The following LRRC20 variants were observed in gnomAD, a reference collection of about 807,000 sequenced individuals.
LRRC20 encodes the protein leucine rich repeat containing 20.
Under a neutral mutation model 14.4 loss-of-function variants are expected in LRRC20, and 11 were observed. The observed-to-expected ratio is 0.77, with a 90% confidence interval of 0.48 to 1.27. The LOEUF is 1.27. Among genes scored for constraint, LRRC20 ranks in the 50% most tolerant of loss-of-function variants. The pLI is 0.00. For missense variants in LRRC20, 219 were observed against 251.2 expected, an observed-to-expected ratio of 0.87 and a Z score of 0.87; for synonymous variants, 121 against 107.3, an observed-to-expected ratio of 1.13 and a Z score of -0.79.
intron 2 of LRRC20, among the ~76,000 whole-genome samples, chr10:70,360,384 C>T (rs942568299): frequency 3.3e-5 from 5 of 151,434 alleles, no homozygotes; most frequent in Non-Finnish European, 7.4e-5. Flanking sequence ...CCTCCTCCTC[C>T]CCATCTCCCT....
intron 2 of LRRC20, among the ~76,000 whole-genome samples, chr10:70,349,938 G>T (rs1229005034): frequency 1.3e-5 from 2 of 152,170 alleles, no homozygotes; most frequent in African/African-American, 4.8e-5. Flanking sequence ...CAGGTGGATG[G>T]ATGAGAGTTC....
chr10:70,322,869 A>C (rs1449780857), intron 4 of LRRC20, among the ~76,000 whole-genome samples: 1 of 151,964 alleles, frequency 6.6e-6, no homozygotes, highest in Middle Eastern at 3.4e-3. Context: ...CCAGGGTCAG[A>C]GTCCTGCCTG....
In LRRC20 at chr10:70,359,598, A is replaced by G. The variant is rs143384768; in HGVS notation, c.82+16854T>C. On this transcript the variant is annotated intron_variant, in intron 2 of 4. Transcript: ENST00000446961. ...CTGACCCCACTGTCCAAAGCCTAGC[A>G]TCCACACAGAAGGATCCAGCTCCCA... Among the ~76,000 whole-genome samples, 1,357 of 152,308 alleles carry G rather than the reference A, an allele frequency of 8.9e-3. 15 individuals are homozygous for G. The highest frequency in any genetic ancestry group is 0.056 in the South Asian group (270 of 4,826).
intron 4 of LRRC20, among the ~76,000 whole-genome samples, chr10:70,318,806 G>GTTCTTGT (rs935608662): frequency 6.6e-6 from 1 of 151,544 alleles, no homozygotes; most frequent in Non-Finnish European, 1.5e-5. Flanking sequence ...TTTTTTGTTT[G>GTTCTTGT]TTTTTGTTTT....
Position 70,323,895 on chromosome 10 carries a change from T to G in LRRC20, c.368A>C (p.Glu123Ala). Reference protein sequence around the residue: ...PEQLTALPALETINLEENEIV... With the variant: ...PEQLTALPALATINLEENEIV... ...CTCGTTCTCCTCCAGGTTGATGGTC[T>G]CCAGCGCCGGCAGGGCGGTAAGCTG... is the stretch of plus-strand genomic sequence containing the variant. The change falls in exon 4 of 5, where the codon GAG becomes GCG. Residue 123 changes from glutamate to alanine, a missense_variant. Physicochemically the swap from Glu to Ala is moderately radical, Grantham distance 107 (BLOSUM62 -1). Coordinates refer to ENST00000446961, the MANE Select transcript of LRRC20 (RefSeq NM_001278212.2). 6.2e-7 allele frequency: 1 copy of G among 1,614,164 alleles called. No individual in the cohort carries two copies. Among genetic ancestry groups the G allele is most frequent in the Non-Finnish European group, 8.5e-7 (1 of 1,180,026 alleles).
intron 4 of LRRC20, among the ~76,000 whole-genome samples, chr10:70,302,716 T>G (rs1272484825): frequency 6.6e-6 from 1 of 150,592 alleles, no homozygotes; most frequent in Admixed American, 6.6e-5. Context: ...TCTATTTCTT[T>G]TTTTTTTTTT....
chr10:70,340,714 G>T lies in LRRC20; in HGVS notation c.83-12C>A. On this transcript the variant is annotated splice_polypyrimidine_tract_variant and intron_variant, in intron 2 of 4. Transcript: ENST00000446961. ...GCACTCGGCCAGGTCTGCAGCCAAA[G>T]AACAAAAACAAACCAGAGTTATCAG... is the stretch of plus-strand genomic sequence containing the variant. 1.2e-6 allele frequency: 2 copies of T among 1,613,980 alleles called. No homozygotes were observed. The highest frequency in any genetic ancestry group is 2.2e-5 in the South Asian group (2 of 91,070).
intron 1 of LRRC20, among the ~76,000 whole-genome samples, chr10:70,377,070 AT>A (rs948729568): frequency 3.3e-5 from 5 of 152,184 alleles, no homozygotes; most frequent in Non-Finnish European, 5.9e-5. Flanking sequence ...CACCCCACCC[AT>A]ATCTGCCTTG....
At chr10:70,333,633 C>T (rs747843828) in intron 3 of LRRC20, among the ~76,000 whole-genome samples, 7 of 152,186 alleles carry the variant, frequency 4.6e-5, no homozygotes, top group Non-Finnish European at 1.0e-4. Flanking sequence ...AACAGTTTGG[C>T]CTTTGCTTCA....
chr10:70,340,802 C>A, intron 2 of LRRC20, 100 bp from the exon 3 acceptor site: 1 of 1,223,414 alleles, frequency 8.2e-7, no homozygotes. Context: ...CCCCTTCCAG[C>A]CTCCTTGCCC....
At chr10:70,378,106 A>G (rs1311855852) in intron 1 of LRRC20, among the ~76,000 whole-genome samples, 1 of 152,222 alleles carries the variant, frequency 6.6e-6, no homozygotes, top group Non-Finnish European at 1.5e-5. Flanking sequence ...AATACTCAAT[A>G]AAAGTTAAGA....
At position 70,323,934 on chromosome 10, in the gene LRRC20, T is replaced by A. The variant is rs771613491; in HGVS notation, c.329A>T (p.Gln110Leu). The change falls in exon 4 of 5, where the codon CAG becomes CTG. Residue 110 changes from glutamine to leucine, a missense_variant. Physicochemically the swap from Gln to Leu is moderately radical, Grantham distance 113. Transcript: ENST00000446961. ...GGCGGTAAGCTGCTCAGGGAAGTCC[T>A]GGAACTGGTTCCGGGACAGGTCAAT... ...KAIDLSRNQF[Q>L]DFPEQLTALP... is the part of the protein sequence containing the mutation. The A allele has an allele frequency of 6.2e-7, 1 of 1,614,164 alleles. No individual in the cohort carries two copies. Among genetic ancestry groups the A allele is most frequent in the Non-Finnish European group, 8.5e-7 (1 of 1,180,002 alleles).
chr10:70,314,081 TATTC>T (rs1841768576), intron 4 of LRRC20, among the ~76,000 whole-genome samples: 1 of 152,148 alleles, frequency 6.6e-6, no homozygotes. Context: ...TCGTGAGACT[TATTC>T]ATTACCACGA....
intron 2 of LRRC20, among the ~76,000 whole-genome samples, chr10:70,367,999 T>TTATGTTATG (rs1844094441): frequency 2.1e-4 from 31 of 146,018 alleles, no homozygotes; most frequent in Non-Finnish European, 2.6e-4. Flanking sequence ...TATGTTATTT[T>TTATGTTATG]TTGAGATGGA....
At chr10:70,341,035 A>G (rs1413772063) in intron 2 of LRRC20, among the ~76,000 whole-genome samples, 2 of 152,226 alleles carry the variant, frequency 1.3e-5, no homozygotes, top group Non-Finnish European at 2.9e-5. Context: ...CAGAATCCAC[A>G]AGTCCCTTTA....
chr10:70,327,188 G>A (rs1842360583), intron 3 of LRRC20, among the ~76,000 whole-genome samples: 1 of 152,218 alleles, frequency 6.6e-6, no homozygotes, highest in Non-Finnish European at 1.5e-5. Flanking sequence ...ACTTGAGTAG[G>A]CTAAGGGATG....
At chr10:70,364,083 T>C (rs1843869591) in intron 2 of LRRC20, among the ~76,000 whole-genome samples, 1 of 152,150 alleles carries the variant, frequency 6.6e-6, no homozygotes, top group South Asian at 2.1e-4. Flanking sequence ...AGCTGCTGTG[T>C]GAGAACGCAG....
Position 70,301,337 on chromosome 10 carries a change from G to A in LRRC20, c.*17C>T, listed in dbSNP as rs1429686221. On this transcript the variant is annotated 3_prime_UTR_variant, in exon 5 of 5. Coordinates refer to ENST00000446961, the MANE Select transcript of LRRC20 (RefSeq NM_001278212.2). ...TGTGGCCTCTGCCCCTTGCTGGGTGGGCATGAGGAGGGTGGCCTAAGGTAG... is the reference window on the plus strand; with the variant it reads ...TGTGGCCTCTGCCCCTTGCTGGGTGAGCATGAGGAGGGTGGCCTAAGGTAG... The A allele has an allele frequency of 1.9e-6, 3 of 1,608,690 alleles. No homozygotes were observed. Among genetic ancestry groups the A allele is most frequent in the South Asian group, 2.2e-5 (2 of 90,580 alleles).
At position 70,340,709 on chromosome 10, in the gene LRRC20, C is replaced by A. The variant is rs1176046174; in HGVS notation, c.83-7G>T. On this transcript the variant is annotated splice_region_variant and splice_polypyrimidine_tract_variant and intron_variant, in intron 2 of 4. Coordinates refer to ENST00000446961, the MANE Select transcript of LRRC20 (RefSeq NM_001278212.2). Reference sequence around the variant, plus strand: ...AGCTTGCACTCGGCCAGGTCTGCAGCCAAAGAACAAAAACAAACCAGAGTT... The same window carrying A: ...AGCTTGCACTCGGCCAGGTCTGCAGACAAAGAACAAAAACAAACCAGAGTT... 1.9e-6 allele frequency: 3 copies of A among 1,613,894 alleles called. No homozygotes were observed. Among genetic ancestry groups the A allele is most frequent in the Non-Finnish European group, 2.5e-6 (3 of 1,179,968 alleles).
Sources: allele counts gnomAD v4.1 joint callset (sites outside exome capture counted in the v4.1 genomes callset), GRCh38; gene constraint gnomAD v4.1.1; transcripts MANE v1.5; gene names NCBI Gene and HGNC (gene_info 2026-07-23, HGNC 2026-07-21).